Variants in BNC2 observed in about 807,000 individuals in gnomAD.
BNC2 encodes the protein basonuclin zinc finger protein 2, also known as zinc finger protein basonuclin-2.
Under a neutral mutation model 76.3 loss-of-function variants are expected in BNC2, and 20 were observed. The observed-to-expected ratio is 0.26, with a 90% CI of 0.18 to 0.38. BNC2 has a LOEUF of 0.38. BNC2 is among the 10% of genes least tolerant of loss of function. The probability of loss-of-function intolerance (pLI) is 1.00; values close to 1 mark genes in which losing one functional copy is unlikely to be tolerated. For synonymous variants in BNC2, 582 were observed against 514.8 expected (o/e 1.13, Z -1.77); for missense variants, 1,382 against 1,399.8 (o/e 0.99, Z 0.20).
chr9:16,559,208 T>C (rs929466173), intron 4 of BNC2, among the ~76,000 whole-genome samples: 18 of 152,290 alleles, frequency 1.2e-4, no homozygotes, highest in African/African-American at 3.1e-4. Context: ...GTCCAAACCA[T>C]GGCCCAGGAT....
chr9:16,526,371 A>G (rs1199849300), intron 5 of BNC2, among the ~76,000 whole-genome samples: 1 of 151,928 alleles, frequency 6.6e-6, no homozygotes, highest in African/African-American at 2.4e-5. Context: ...CCAAACCAAC[A>G]TAATACCTAA....
At chr9:16,519,708 T>G (rs922541665) in intron 5 of BNC2, among the ~76,000 whole-genome samples, 1 of 152,230 alleles carries the variant, frequency 6.6e-6, no homozygotes, top group Non-Finnish European at 1.5e-5. Context: ...TTCTCCAGTT[T>G]TTTCTACAAC....
intron 5 of BNC2, among the ~76,000 whole-genome samples, chr9:16,496,741 G>A (rs1822399068): frequency 6.6e-6 from 1 of 152,124 alleles, no homozygotes; most frequent in Admixed American, 6.5e-5. Flanking sequence ...ATGGGGAGGG[G>A]ATGATCTCAA....
At position 16,437,094 on chromosome 9, in the gene BNC2, C is replaced by T; in HGVS notation, c.1100G>A (p.Ser367Asn). The change falls in exon 6 of 7, where the codon AGC becomes AAC. Residue 367 changes from serine (S) to asparagine (N), a missense_variant. By Grantham distance (46) the Ser-to-Asn change is conservative. Transcript: ENST00000380672. ...LSTQNEYNES[S>N]ESEVSPTPYK... ...AGGTGTGGGAGAAACTTCGGATTCG[C>T]TGCTCTCATTATATTCATTCTGAGT... is the stretch of plus-strand genomic sequence containing the variant. 1.9e-6 allele frequency: 3 copies of T among 1,614,144 alleles called. No individual in the cohort carries two copies. Among genetic ancestry groups the T allele is most frequent in the Non-Finnish European group, 2.5e-6 (3 of 1,180,026 alleles).
intron 5 of BNC2, among the ~76,000 whole-genome samples, chr9:16,535,888 C>A (rs1235150603): frequency 6.6e-6 from 1 of 152,092 alleles, no homozygotes; most frequent in Non-Finnish European, 1.5e-5. Context: ...AAGAACCCTA[C>A]AACTATCTGC....
intron 3 of BNC2, among the ~76,000 whole-genome samples, chr9:16,677,919 T>G (rs1822700796): frequency 6.6e-6 from 1 of 152,144 alleles, no homozygotes. Context: ...ATTTTATAAT[T>G]TTACAAACTA....
intron 1 of BNC2, among the ~76,000 whole-genome samples, chr9:16,768,123 G>A (rs368469011): frequency 7.0e-4 from 107 of 151,924 alleles, no homozygotes; most frequent in African/African-American, 2.3e-3. Context: ...CCACCACCAC[G>A]CCTGGCTAAT....
At chr9:16,847,923 A>G (rs1281270491) in intron 1 of BNC2, among the ~76,000 whole-genome samples, 2 of 152,228 alleles carry the variant, frequency 1.3e-5, no homozygotes, top group East Asian at 3.9e-4. Flanking sequence ...AAATACATAA[A>G]AAACAAATCC....
chr9:16,584,249 C>T (rs1819708220), intron 3 of BNC2, among the ~76,000 whole-genome samples: 2 of 152,260 alleles, frequency 1.3e-5, no homozygotes, highest in South Asian at 2.1e-4. Context: ...GAAAGCCATG[C>T]TCACTCACAC....
At position 16,634,104 on chromosome 9, in the gene BNC2, T is replaced by C. The variant is rs201812822; in HGVS notation, c.331-51019A>G. Among the ~76,000 whole-genome samples the C allele has an allele frequency of 9.2e-5, 14 of 152,326 alleles. No individual in the cohort carries two copies. In the East Asian group the frequency reaches 1.9e-3, roughly 21 times the overall value. On this transcript the variant is annotated intron_variant, in intron 3 of 6. Transcript: ENST00000380672. ...CTAAACAAACTGTTCCACAAGACTC[T>C]ACTCATCCCGTGTTCTGACAGGACT...
At chr9:16,785,560 T>A (rs1473945846) in intron 1 of BNC2, among the ~76,000 whole-genome samples, 2 of 1,068 alleles carry the variant, frequency 1.9e-3, no homozygotes, top group Admixed American at 9.9e-3. Flanking sequence ...ACACCCGGCT[T>A]TTTTTTTTTT....
At chr9:16,814,130 G>T (rs967231951) in intron 1 of BNC2, among the ~76,000 whole-genome samples, 1 of 152,204 alleles carries the variant, frequency 6.6e-6, no homozygotes, top group Non-Finnish European at 1.5e-5. Flanking sequence ...CTACTATTTT[G>T]TAGGTTGCTC....
intron 3 of BNC2, among the ~76,000 whole-genome samples, chr9:16,620,370 A>G (rs2133575339): frequency 6.6e-6 from 1 of 152,310 alleles, no homozygotes; most frequent in African/African-American, 2.4e-5. Context: ...GCAACAGCTA[A>G]CGGACTTTGC....
At chr9:16,750,508 T>G (rs12004872) in intron 1 of BNC2, among the ~76,000 whole-genome samples, 7 of 152,184 alleles carry the variant, frequency 4.6e-5, no homozygotes, top group Non-Finnish European at 1.0e-4. Flanking sequence ...ATTTGACCAG[T>G]AGATCATCTA....
At chr9:16,646,680 A>G (rs185322392) in intron 3 of BNC2, among the ~76,000 whole-genome samples, 572 of 152,298 alleles carry the variant, frequency 3.8e-3, no homozygotes, top group Admixed American at 6.5e-3. Context: ...ATATGAGTAT[A>G]CACATTTTGT....
At chr9:16,622,778 G>A (rs979054278) in intron 3 of BNC2, among the ~76,000 whole-genome samples, 6 of 152,228 alleles carry the variant, frequency 3.9e-5, no homozygotes, top group African/African-American at 1.2e-4. Context: ...CACAACTGGC[G>A]CTAACTGGCA....
At position 16,647,118 on chromosome 9, in the gene BNC2, T is replaced by C. The variant is rs577972930; in HGVS notation, c.331-64033A>G. Among the ~76,000 whole-genome samples, 11 of 152,342 alleles carry C rather than the reference T, an allele frequency of 7.2e-5. No individual in the cohort carries two copies. The South Asian group carries it at 2.3e-3, about 32-fold the overall frequency. On this transcript the variant is annotated intron_variant, in intron 3 of 6. Transcript: ENST00000380672. ...AGATGATATTTCCCATGTACACTCA[T>C]ATTCCTCAAGCAAACATCTACATAT...
At chr9:16,655,293 A>C (rs1441621538) in intron 3 of BNC2, among the ~76,000 whole-genome samples, 2 of 152,166 alleles carry the variant, frequency 1.3e-5, no homozygotes, top group Non-Finnish European at 2.9e-5. Flanking sequence ...TAAAATAAAG[A>C]TGAATAAAAG....
chr9:16,828,534 G>T (rs1338322312), intron 1 of BNC2, among the ~76,000 whole-genome samples: 1 of 152,158 alleles, frequency 6.6e-6, no homozygotes, highest in Non-Finnish European at 1.5e-5. Flanking sequence ...TACTTGTGAA[G>T]TAAACTCTGT....
Sources: gnomAD v4.1 joint callset for allele counts (sites outside exome capture counted in the v4.1 genomes callset) on GRCh38, gnomAD v4.1.1 for gene constraint, MANE v1.5 for transcripts, NCBI Gene and HGNC (gene_info 2026-07-23, HGNC 2026-07-21) for gene names.